EPHA6: variants seen among roughly 807,000 people sequenced by gnomAD.
EPHA6 encodes the protein EPH receptor A6.
EPHA6 carries 50 observed loss-of-function variants against 112.0 expected under a neutral mutation model. The ratio of observed to expected loss-of-function variants is 0.45; its 90% CI spans 0.36 to 0.56. The LOEUF is 0.56. Ranked by LOEUF, EPHA6 falls within the 20% of genes least tolerant of loss-of-function variation. The pLI is 0.00. For missense variants in EPHA6, 1,280 were observed against 1,417.4 expected (o/e 0.90, Z 1.56); for synonymous variants, 529 against 490.7 (o/e 1.08, Z -1.03).
At chr3:96,839,897 A>G (rs1481582990) in intron 1 of EPHA6, among the ~76,000 whole-genome samples, 6 of 152,112 alleles carry the variant, frequency 3.9e-5, no homozygotes, top group Non-Finnish European at 7.4e-5. Context: ...TTAAAAAAAT[A>G]ATAATTCTGG....
chr3:97,129,296 G>A (rs373185837), intron 3 of EPHA6, among the ~76,000 whole-genome samples: 6 of 151,888 alleles, frequency 4.0e-5, no homozygotes, highest in Non-Finnish European at 5.9e-5. Context: ...TCAGGAGATC[G>A]AGACCATCCT....
chr3:97,283,511 A>T (rs1409583807), intron 5 of EPHA6, among the ~76,000 whole-genome samples: 1 of 152,124 alleles, frequency 6.6e-6, no homozygotes, highest in Admixed American at 6.6e-5. Context: ...TTAAATGTTG[A>T]TTATAATATT....
Position 96,920,400 on chromosome 3 carries a change from A to G in EPHA6, c.450+53511A>G, listed in dbSNP as rs577590840. 2.0e-5 allele frequency among the ~76,000 whole-genome samples: 3 copies of G among 152,084 alleles called. No homozygotes were observed. The South Asian group carries it at 6.2e-4, about 32-fold the overall frequency. On this transcript the variant is annotated intron_variant, in intron 2 of 17. Transcript: ENST00000389672. ...TAGGGAAAGTAGCAAAAAATATTAA[A>G]CAAAATGAAAACCTGCATTAATTTA... is the stretch of plus-strand genomic sequence containing the variant.
At chr3:97,251,551 A>T (rs1438042762) in intron 5 of EPHA6, among the ~76,000 whole-genome samples, 1 of 152,122 alleles carries the variant, frequency 6.6e-6, no homozygotes, top group Non-Finnish European at 1.5e-5. Context: ...ATAAAACAAA[A>T]TTACTTTCAA....
At position 97,265,111 on chromosome 3, in the gene EPHA6, T is replaced by C. The variant is rs879229862; in HGVS notation, c.1606+20824T>C. Among the ~76,000 whole-genome samples the C allele has an allele frequency of 3.1e-4, 47 of 152,232 alleles. 1 individual carries two copies. Among genetic ancestry groups the C allele is most frequent in the Admixed American group, 2.0e-3 (31 of 15,304 alleles). On this transcript the variant is annotated intron_variant, in intron 5 of 17. Coordinates refer to ENST00000389672, the MANE Select transcript of EPHA6 (RefSeq NM_001080448.3). ...TCGTCTGCTTTGCTCTGGCTAACCC[T>C]GGGGCTTTTATGGGCTTCAGAGGGA...
intron 11 of EPHA6, among the ~76,000 whole-genome samples, chr3:97,551,676 T>C (rs1379254881): frequency 6.6e-6 from 1 of 152,196 alleles, no homozygotes; most frequent in Non-Finnish European, 1.5e-5. Context: ...TCTGTGACTT[T>C]GTCACTATTT....
intron 11 of EPHA6, among the ~76,000 whole-genome samples, chr3:97,588,872 T>C (rs1444508626): frequency 6.6e-6 from 1 of 152,212 alleles, no homozygotes; most frequent in Non-Finnish European, 1.5e-5. Flanking sequence ...AAAATTTCTT[T>C]CCTTTTTTAT....
intron 11 of EPHA6, among the ~76,000 whole-genome samples, chr3:97,565,355 G>T (rs2093249535): frequency 6.6e-6 from 1 of 152,130 alleles, no homozygotes; most frequent in East Asian, 1.9e-4. Flanking sequence ...TTGTAAAGAG[G>T]AATCTATGTT....
At chr3:97,329,906 G>T (rs2082697611) in intron 5 of EPHA6, among the ~76,000 whole-genome samples, 2 of 152,006 alleles carry the variant, frequency 1.3e-5, no homozygotes, top group South Asian at 4.1e-4. Flanking sequence ...CCTATGTCCT[G>T]AATGGTATTG....
chr3:96,870,136 A>G (rs975191894), intron 2 of EPHA6, among the ~76,000 whole-genome samples: 9 of 152,084 alleles, frequency 5.9e-5, no homozygotes, highest in Non-Finnish European at 7.4e-5. Flanking sequence ...ACACATATCT[A>G]TATCTGTTTT....
intron 1 of EPHA6, among the ~76,000 whole-genome samples, chr3:96,816,885 C>A (rs1397726147): frequency 6.6e-6 from 1 of 151,982 alleles, no homozygotes; most frequent in African/African-American, 2.4e-5. Context: ...ATTTGCTTAT[C>A]TATTTTAATG....
At chr3:97,401,630 A>T (rs544332215) in intron 5 of EPHA6, among the ~76,000 whole-genome samples, 2 of 151,382 alleles carry the variant, frequency 1.3e-5, no homozygotes, top group African/African-American at 4.8e-5. Context: ...TATTAATTTC[A>T]TTGATGTTTT....
At chr3:97,330,471 A>G (rs201385363) in intron 5 of EPHA6, among the ~76,000 whole-genome samples, 4 of 152,004 alleles carry the variant, frequency 2.6e-5, no homozygotes, top group African/African-American at 9.7e-5. Context: ...TCTTCCATTT[A>G]TTTGTATCCT....
At chr3:97,324,435 T>TTCTTTCTTTCTTTCTTTCTTTCTG (rs2082291048) in intron 5 of EPHA6, among the ~76,000 whole-genome samples, 1 of 148,370 alleles carries the variant, frequency 6.7e-6, no homozygotes, top group Non-Finnish European at 1.5e-5. Flanking sequence ...CTTTCTTTCT[T>TTCTTTCTTTCTTTCTTTCTTTCTG]TCTTTCTTTC....
chr3:96,939,638 T>C (rs1434340223), intron 2 of EPHA6, among the ~76,000 whole-genome samples: 2 of 152,338 alleles, frequency 1.3e-5, no homozygotes, highest in East Asian at 3.9e-4. Context: ...TTTCTTGCCT[T>C]GTGCTAGCTT....
intron 2 of EPHA6, among the ~76,000 whole-genome samples, chr3:96,955,262 A>G (rs1023854336): frequency 1.6e-4 from 25 of 152,284 alleles, no homozygotes; most frequent in African/African-American, 6.0e-4. Context: ...AAGACACATC[A>G]CATGTGTCTT....
chr3:96,998,582 G>A (rs914379949), intron 3 of EPHA6, among the ~76,000 whole-genome samples: 1 of 151,700 alleles, frequency 6.6e-6, no homozygotes, highest in Non-Finnish European at 1.5e-5. Flanking sequence ...TTATTTCCCC[G>A]TCTATGAGAA....
intron 11 of EPHA6, among the ~76,000 whole-genome samples, chr3:97,590,635 T>C (rs750432586): frequency 6.6e-6 from 1 of 152,186 alleles, no homozygotes; most frequent in Admixed American, 6.5e-5. Context: ...TTATTATGTT[T>C]CTTTATGATC....
chr3:97,720,890 TG>T (rs1376705825), intron 15 of EPHA6, among the ~76,000 whole-genome samples: 2 of 152,202 alleles, frequency 1.3e-5, no homozygotes, highest in Non-Finnish European at 2.9e-5. Context: ...TGACCCCTAA[TG>T]CAAACTGTTT....
Sources: gnomAD v4.1 joint callset for allele counts (sites outside exome capture counted in the v4.1 genomes callset) on GRCh38, gnomAD v4.1.1 for gene constraint, MANE v1.5 for transcripts, NCBI Gene and HGNC (gene_info 2026-07-23, HGNC 2026-07-21) for gene names.